The following PPP2R3C variants were observed in gnomAD, a reference collection of about 807,000 sequenced individuals.
PPP2R3C encodes serine/threonine-protein phosphatase 2A regulatory subunit B'' subunit gamma.
PPP2R3C carries 47 observed loss-of-function variants against 63.7 expected under a neutral mutation model. The observed-to-expected ratio is 0.74, with a 90% confidence interval of 0.58 to 0.94. PPP2R3C has a LOEUF of 0.94. Ranked by LOEUF, PPP2R3C falls within the 40% of genes least tolerant of loss-of-function variation. The probability of loss-of-function intolerance (pLI) is 0.00; values close to 1 mark genes in which losing one functional copy is unlikely to be tolerated. For missense variants in PPP2R3C, 421 were observed against 518.4 expected (o/e 0.81, Z 1.82); for synonymous variants, 180 against 177.4 (o/e 1.01, Z -0.12).
At position 35,105,047 on chromosome 14, in the gene PPP2R3C, C is replaced by T. The variant is rs1487754216; in HGVS notation, c.573+2257G>A. 1.1e-4 allele frequency among the ~76,000 whole-genome samples: 16 copies of T among 141,442 alleles called. No homozygotes were observed. The East Asian group carries it at 3.6e-3, about 32-fold the overall frequency. 92.8% of individuals were successfully genotyped at this position (141,442 alleles called of 152,430 possible). On this transcript the variant is annotated intron_variant, in intron 6 of 12. Transcript: ENST00000261475. ...CCGTGTCTGGCTTCTCTTATATTTT[C>T]TTAAAAAAAAAAAAGCGGGGGGGTG... is the stretch of plus-strand genomic sequence containing the variant.
rs747098762 is a variant in PPP2R3C, at chr14:35,099,392, TAAAAC to T, written c.574-13_574-9del. The T allele has an allele frequency of 5.0e-6, 8 of 1,586,856 alleles. No homozygotes were observed. The highest frequency in any genetic ancestry group is 6.0e-6 in the Non-Finnish European group (7 of 1,173,924). ...TATGTAGTTTTCTAAATCCTGAAAA[TAAAAC>T]AAAATAAAGTGTTAAATGTCCAGTC... On this transcript the variant is annotated splice_polypyrimidine_tract_variant and intron_variant, in intron 6 of 12. Transcript: ENST00000261475.
intron 9 of PPP2R3C, among the ~76,000 whole-genome samples, chr14:35,096,130 C>T (rs948296549): frequency 3.3e-5 from 5 of 150,694 alleles, no homozygotes; most frequent in African/African-American, 1.2e-4. Flanking sequence ...TGCTTGAGCC[C>T]AGGAGTTTGA....
chr14:35,106,934 T>A (rs1041929609), intron 6 of PPP2R3C, among the ~76,000 whole-genome samples: 24 of 152,176 alleles, frequency 1.6e-4, no homozygotes, highest in African/African-American at 5.8e-4. Flanking sequence ...TCCAAAGTGC[T>A]GGGATTACAG....
intron 6 of PPP2R3C, among the ~76,000 whole-genome samples, chr14:35,106,749 C>G (rs1010778668): frequency 6.7e-6 from 1 of 150,360 alleles, no homozygotes; most frequent in Non-Finnish European, 1.5e-5. Flanking sequence ...TTCACAGCAA[C>G]CTCTGCCTCC....
intron 2 of PPP2R3C, among the ~76,000 whole-genome samples, chr14:35,111,574 G>T (rs2046561511): frequency 6.6e-6 from 1 of 152,252 alleles, no homozygotes; most frequent in Admixed American, 6.5e-5. Flanking sequence ...ATGCAGGTCA[G>T]TTAAATGATT....
At chr14:35,108,967 A>T (rs1270725535) in intron 4 of PPP2R3C, among the ~76,000 whole-genome samples, 1 of 151,680 alleles carries the variant, frequency 6.6e-6, no homozygotes, top group Non-Finnish European at 1.5e-5. Flanking sequence ...TTTATTTTGC[A>T]GAGATGGGCA....
rs766244294 is a variant in PPP2R3C at position 35,095,018 on chromosome 14, TAAAACTTAGC to T, written c.975+20_975+29del. Reference sequence around the variant, plus strand: ...TGGAAACTCTGGGAGCCTAAACTTTTAAAACTTAGCAGCAGATTTAAACTACTACCATTTC... The same window carrying T: ...TGGAAACTCTGGGAGCCTAAACTTTTAGCAGATTTAAACTACTACCATTTC... On this transcript the variant is annotated intron_variant, in intron 10 of 12. Transcript: ENST00000261475. 6.3e-7 allele frequency: 1 copy of T among 1,583,460 alleles called. No homozygotes were observed. Among genetic ancestry groups the T allele is most frequent in the Admixed American group, 1.7e-5 (1 of 59,192 alleles).
chr14:35,085,856 G>C (rs2045575711), intron 12 of PPP2R3C, 78 bp from the exon 13 acceptor site: 2 of 1,186,304 alleles, frequency 1.7e-6, no homozygotes, highest in Non-Finnish European at 2.3e-6. Flanking sequence ...ATTCAGGGCT[G>C]TTTGCATCCA....
Position 35,095,136 on chromosome 14 carries a change from T to C in PPP2R3C, c.887A>G (p.Glu296Gly). The C allele has an allele frequency of 6.2e-7, 1 of 1,613,482 alleles. No individual in the cohort carries two copies. Among genetic ancestry groups the C allele is most frequent in the Non-Finnish European group, 8.5e-7 (1 of 1,179,402 alleles). ...DKDHNGMLSK[E>G]ELSRYGTATM... ...AGCTGTTCCATAGCGTGAGAGTTCT[T>C]CTTTACTGAGCATGCCATTGTGATC... is the stretch of plus-strand genomic sequence containing the variant. The change falls in exon 10 of 13, where the codon GAA (glutamate) becomes GGA (glycine). Residue 296 changes from glutamate (E) to glycine (G), a missense_variant. Glu to Gly is a moderately conservative substitution (Grantham distance 98). Coordinates refer to ENST00000261475, the MANE Select transcript of PPP2R3C (RefSeq NM_017917.4).
intron 1 of PPP2R3C, among the ~76,000 whole-genome samples, chr14:35,117,367 A>C (rs2046739227): frequency 6.6e-6 from 1 of 152,206 alleles, no homozygotes; most frequent in South Asian, 2.1e-4. Flanking sequence ...ATTTAGGATG[A>C]ATAAACATTT....
intron 1 of PPP2R3C, chr14:35,117,116 G>C: frequency 2.2e-6 from 1 of 455,970 alleles, no homozygotes; most frequent in Middle Eastern, 3.4e-4. Flanking sequence ...TGAGGGGTGA[G>C]CAAGACAGCC....
intron 2 of PPP2R3C, among the ~76,000 whole-genome samples, chr14:35,115,256 G>A (rs8017547): frequency 0.11 from 15,551 of 145,146 alleles, 1,001 homozygotes; most frequent in African/African-American, 0.19. Context: ...TCAAGCTCCT[G>A]AGCTCAAGCG....
In PPP2R3C at chr14:35,091,083, T is replaced by A; in HGVS notation, c.1100A>T (p.Asn367Ile). The change falls in exon 11 of 13, where the codon AAT becomes ATT. Residue 367 changes from asparagine (N) to isoleucine (I), a missense_variant. Asn to Ile is a moderately radical substitution (Grantham distance 149). This residue lies in a region of PPP2R3C where 231 missense variants were observed against 264.8 expected (regional missense o/e 0.87). Coordinates refer to ENST00000261475, the MANE Select transcript of PPP2R3C (RefSeq NM_017917.4). Reference sequence around the variant, plus strand: ...AATGAGACTTACCCTAAAGAAATAATTAAGTGAAAAGACATTCAGGTATCC... The same window carrying A: ...AATGAGACTTACCCTAAAGAAATAAATAAGTGAAAAGACATTCAGGTATCC... ...NKGYLNVFSL[N>I]YFFRAIQELM... The A allele has an allele frequency of 6.2e-7, 1 of 1,602,786 alleles. No individual in the cohort carries two copies. Among genetic ancestry groups the A allele is most frequent in the South Asian group, 1.1e-5 (1 of 90,076 alleles).
rs1384087996 is a variant in PPP2R3C at position 35,092,720 on chromosome 14, G to A, written c.976-1513C>T. Among the ~76,000 whole-genome samples the A allele has an allele frequency of 3.3e-5, 5 of 152,036 alleles. No homozygotes were observed. In the East Asian group the frequency reaches 9.6e-4, roughly 29 times the overall value. Reference sequence around the variant, plus strand: ...AACCTCAGGTGATCCACCCACCTCGGCCTCCCAAAATGCTAGGATTACAGG... The same window carrying A: ...AACCTCAGGTGATCCACCCACCTCGACCTCCCAAAATGCTAGGATTACAGG... On this transcript the variant is annotated intron_variant, in intron 10 of 12. Coordinates refer to ENST00000261475, the MANE Select transcript of PPP2R3C (RefSeq NM_017917.4).
At chr14:35,096,228 G>A (rs890902803) in intron 9 of PPP2R3C, among the ~76,000 whole-genome samples, 1 of 151,804 alleles carries the variant, frequency 6.6e-6, no homozygotes, top group African/African-American at 2.4e-5. Context: ...CCCAGTACTG[G>A]GGGTGGTGGG....
At chr14:35,117,468 T>C (rs773060774) in intron 1 of PPP2R3C, among the ~76,000 whole-genome samples, 6 of 152,264 alleles carry the variant, frequency 3.9e-5, no homozygotes, top group Admixed American at 6.5e-5. Context: ...CAGATTTTAC[T>C]TGATCCCTTT....
chr14:35,095,690 A>AAC (rs1436944952), intron 9 of PPP2R3C, among the ~76,000 whole-genome samples: 1 of 150,382 alleles, frequency 6.6e-6, no homozygotes, highest in Non-Finnish European at 1.5e-5. Context: ...AAAAAACAAA[A>AAC]AAAAAAAACA....
At chr14:35,111,796 T>A (rs554100325) in intron 2 of PPP2R3C, among the ~76,000 whole-genome samples, 1 of 152,158 alleles carries the variant, frequency 6.6e-6, no homozygotes, top group South Asian at 2.1e-4. Flanking sequence ...GGACTGTTTT[T>A]CTATATCCCT....
At chr14:35,111,108 G>A (rs1459464972) in intron 2 of PPP2R3C, among the ~76,000 whole-genome samples, 2 of 152,000 alleles carry the variant, frequency 1.3e-5, no homozygotes, top group Non-Finnish European at 2.9e-5. Context: ...GGTGGCATGT[G>A]CCTGTAGTCC....
Sources: allele counts gnomAD v4.1 joint callset (sites outside exome capture counted in the v4.1 genomes callset), GRCh38; gene constraint gnomAD v4.1.1; regional missense constraint gnomAD v4.1.1; transcripts MANE v1.5; gene names NCBI Gene and HGNC (gene_info 2026-07-23, HGNC 2026-07-21).